PTPRD: variants seen among roughly 807,000 people sequenced by gnomAD.
PTPRD encodes protein tyrosine phosphatase receptor type D.
PTPRD carries 34 observed loss-of-function variants against 214.5 expected under a neutral mutation model. That is an observed-to-expected ratio of 0.16 (90% CI 0.12 to 0.21). The LOEUF (loss-of-function observed/expected upper bound fraction) is 0.21, where lower values mean the gene tolerates loss of function less well. Ranked by LOEUF, PTPRD falls within the 10% of genes least tolerant of loss-of-function variation. The pLI is 1.00. For synonymous variants in PTPRD, 1,128 were observed against 845.7 expected (o/e 1.33, Z -5.79); for missense variants, 2,545 against 2,398.7 (o/e 1.06, Z -1.27).
chr9:9,327,540 AG>A (rs2040469886), intron 9 of PTPRD, among the ~76,000 whole-genome samples: 1 of 152,174 alleles, frequency 6.6e-6, no homozygotes, highest in East Asian at 1.9e-4. Context: ...TAGTATAAAA[AG>A]AAGCACTTTT....
chr9:10,319,874 AC>A (rs1470433357), intron 3 of PTPRD, among the ~76,000 whole-genome samples: 1 of 152,026 alleles, frequency 6.6e-6, no homozygotes, highest in Non-Finnish European at 1.5e-5. Context: ...ACATGTTTTC[AC>A]TTCCTACCAT....
intron 14 of PTPRD, among the ~76,000 whole-genome samples, chr9:8,550,374 T>C (rs1166801811): frequency 6.6e-6 from 1 of 152,212 alleles, no homozygotes; most frequent in Non-Finnish European, 1.5e-5. Context: ...TTTAAAAATT[T>C]ACTATTACCA....
intron 5 of PTPRD, among the ~76,000 whole-genome samples, chr9:9,913,461 T>G (rs2153832692): frequency 6.6e-6 from 1 of 152,144 alleles, no homozygotes; most frequent in Non-Finnish European, 1.5e-5. Context: ...CTAGCATTCA[T>G]CTCTCCCAGA....
At chr9:8,382,370 A>G (rs936716643) in intron 37 of PTPRD, among the ~76,000 whole-genome samples, 3 of 152,216 alleles carry the variant, frequency 2.0e-5, no homozygotes, top group African/African-American at 7.2e-5. Flanking sequence ...ACAGACATGA[A>G]TGCAGAGAAT....
chr9:9,968,274 G>T (rs982408515), intron 4 of PTPRD, among the ~76,000 whole-genome samples: 23 of 152,260 alleles, frequency 1.5e-4, no homozygotes, highest in African/African-American at 5.5e-4. Flanking sequence ...GAACAGAGCT[G>T]ATTTGACTAA....
intron 2 of PTPRD, among the ~76,000 whole-genome samples, chr9:10,396,170 G>T (rs1375667990): frequency 1.3e-5 from 2 of 151,858 alleles, no homozygotes; most frequent in African/African-American, 4.8e-5. Context: ...AATGCAAGAT[G>T]GATCCTTTAC....
chr9:10,177,883 T>C (rs1244942444), intron 3 of PTPRD, among the ~76,000 whole-genome samples: 1 of 151,926 alleles, frequency 6.6e-6, no homozygotes, highest in Non-Finnish European at 1.5e-5. Flanking sequence ...CTTCCTTTTA[T>C]AATTAAAAAA....
At position 8,830,351 on chromosome 9, in the gene PTPRD, T is replaced by C. The variant is rs572180329; in HGVS notation, c.-103-96405A>G. Among the ~76,000 whole-genome samples the C allele has an allele frequency of 2.7e-4, 41 of 152,194 alleles. 1 individual carries two copies. Among genetic ancestry groups the C allele is most frequent in the African/African-American group, 9.2e-4 (38 of 41,524 alleles). On this transcript the variant is annotated intron_variant, in intron 11 of 45. Coordinates refer to ENST00000381196, the MANE Select transcript of PTPRD (RefSeq NM_002839.4). The stretch of plus-strand genomic sequence containing the variant: ...TTGAACTCTAGCACTTGAGGGAAAA[T>C]AATCAAAGGATTAAAAGATATGAGA...
At chr9:10,024,438 T>G (rs1396314520) in intron 4 of PTPRD, among the ~76,000 whole-genome samples, 1 of 152,092 alleles carries the variant, frequency 6.6e-6, no homozygotes, top group Admixed American at 6.6e-5. Context: ...ACTCAACACT[T>G]TTATAGTAAT....
chr9:9,948,029 T>C (rs1252029099), intron 4 of PTPRD, among the ~76,000 whole-genome samples: 1 of 151,744 alleles, frequency 6.6e-6, no homozygotes, highest in Non-Finnish European at 1.5e-5. Flanking sequence ...AGAAGGGAGA[T>C]AGATGAAGAA....
chr9:8,981,026 T>G (rs748586884), intron 11 of PTPRD, among the ~76,000 whole-genome samples: 1 of 152,088 alleles, frequency 6.6e-6, no homozygotes. Context: ...CCCATAATCT[T>G]TGAGCAGCAT....
At chr9:10,055,516 T>C (rs570360213) in intron 3 of PTPRD, among the ~76,000 whole-genome samples, 2 of 152,172 alleles carry the variant, frequency 1.3e-5, no homozygotes, top group South Asian at 4.1e-4. Context: ...GCCACAAATC[T>C]AGCAAATGGT....
chr9:10,503,443 A>C (rs2044595706), intron 2 of PTPRD, among the ~76,000 whole-genome samples: 1 of 152,012 alleles, frequency 6.6e-6, no homozygotes, highest in Admixed American at 6.6e-5. Flanking sequence ...TAATCAAGTC[A>C]ATTTTTTTAT....
At chr9:8,674,154 G>T (rs139066243) in intron 12 of PTPRD, among the ~76,000 whole-genome samples, 187 of 152,192 alleles carry the variant, frequency 1.2e-3, no homozygotes, top group African/African-American at 3.9e-3. Context: ...AAATTATTTT[G>T]AATGTGCAAT....
chr9:8,995,860 G>T (rs1348904731), intron 11 of PTPRD, among the ~76,000 whole-genome samples: 1 of 151,968 alleles, frequency 6.6e-6, no homozygotes, highest in Non-Finnish European at 1.5e-5. Context: ...GACACAATGT[G>T]ACATTACAGA....
intron 10 of PTPRD, among the ~76,000 whole-genome samples, chr9:9,151,006 A>C (rs1023644132): frequency 1.3e-5 from 2 of 152,192 alleles, no homozygotes; most frequent in African/African-American, 4.8e-5. Context: ...TCCACATTTT[A>C]AATGTTACCA....
rs2097003487 is a variant in PTPRD, at chr9:8,486,226, T to C, written c.2591A>G (p.Asp864Gly). 6.2e-6 allele frequency: 10 copies of C among 1,614,186 alleles called. No individual in the cohort carries two copies. The East Asian group carries it at 2.2e-4, about 36-fold the overall frequency. Residue 864 changes from aspartate (D) to glycine (G), a missense_variant, in exon 28 of 46, where the codon GAT (aspartate) becomes GGT (glycine). Asp to Gly is a moderately conservative substitution (Grantham distance 94, BLOSUM62 -1). Coordinates refer to ENST00000381196, the MANE Select transcript of PTPRD (RefSeq NM_002839.4). ...CTCAAGAGTAGTAAGTGGCTCCATA[T>C]CCTTGCGGCCAAATTTTAGACGGTA... ...QGYRLKFGRK[D>G]MEPLTTLEFS... is the part of the protein sequence containing the mutation.
At chr9:8,460,636 T>C in intron 32 of PTPRD, 65 bp from the exon 33 acceptor site, 1 of 1,505,596 alleles carries the variant, frequency 6.6e-7, no homozygotes, top group Non-Finnish European at 9.0e-7. Flanking sequence ...ACCTTTAACA[T>C]TAGAAGAAGC....
chr9:9,329,124 G>A (rs1349183417), intron 9 of PTPRD, among the ~76,000 whole-genome samples: 2 of 151,960 alleles, frequency 1.3e-5, no homozygotes, highest in African/African-American at 4.8e-5. Flanking sequence ...CTCCAATTGT[G>A]CAGTAATGTA....
Sources: gnomAD v4.1 joint callset for allele counts (sites outside exome capture counted in the v4.1 genomes callset) on GRCh38, gnomAD v4.1.1 for gene constraint, MANE v1.5 for transcripts, NCBI Gene and HGNC (gene_info 2026-07-23, HGNC 2026-07-21) for gene names.